Variants in CLCA2 observed in about 807,000 individuals in gnomAD.
The protein encoded by CLCA2 is calcium-activated chloride channel regulator 2.
Under a neutral mutation model 82.9 loss-of-function variants are expected in CLCA2, and 85 were observed. That is an observed-to-expected ratio of 1.03 (90% CI 0.86 to 1.23). The LOEUF (loss-of-function observed/expected upper bound fraction) is 1.23. CLCA2 is among the 50% of genes most tolerant of loss of function. The pLI is 0.00. For missense variants in CLCA2, 1,089 were observed against 1,124.8 expected, an observed-to-expected ratio of 0.97 and a Z score of 0.45; for synonymous variants, 421 against 391.7, an observed-to-expected ratio of 1.07 and a Z score of -0.88.
At chr1:86,455,057 T>G (rs1254460295) in intron 13 of CLCA2, 28 bp from the exon 14 acceptor site, 1 of 1,344,552 alleles carries the variant, frequency 7.4e-7, no homozygotes, top group Admixed American at 2.7e-5. Flanking sequence ...AGTGACTTAA[T>G]TTTCCTATTT....
At position 86,434,623 on chromosome 1, in the gene CLCA2, GACTTTCACC is replaced by G. The variant is rs758712839; in HGVS notation, c.853_861del (p.Phe285_His287del). ...ATGGGATGTAATCACAGACTCTGCT[GACTTTCACC>G]ACAGCTTTCCCATGAATGGGACTGA... On this transcript the variant is annotated inframe_deletion, in exon 6 of 14. Coordinates refer to ENST00000370565, the MANE Select transcript of CLCA2 (RefSeq NM_006536.7). 2 of 1,614,096 alleles carry G rather than the reference GACTTTCACC, an allele frequency of 1.2e-6. No homozygotes were observed. Among genetic ancestry groups the G allele is most frequent in the East Asian group, 4.5e-5 (2 of 44,880 alleles).
Position 86,456,024 on chromosome 1 carries a change from T to C in CLCA2, c.*497T>C, listed in dbSNP as rs1418225204. On this transcript the variant is annotated 3_prime_UTR_variant, in exon 14 of 14. Transcript: ENST00000370565. ...AGCTCTTTACCTCTTGCTATTTTGT[T>C]ATATATATTACAGATGAAATCTCAC... 1 of 152,252 alleles carries C rather than the reference T, an allele frequency of 6.6e-6. No homozygotes were observed. Among genetic ancestry groups the C allele is most frequent in the Non-Finnish European group, 1.5e-5 (1 of 68,050 alleles). 9.4% of individuals were successfully genotyped at this position (152,252 alleles called of 1,614,324 possible). A position where few individuals can be genotyped will look rare whatever the true frequency, so the allele number is the denominator to read the frequency against.
rs752185620 is a variant in CLCA2, at chr1:86,447,609, C to T, written c.1815C>T (p.Ala605=). Reference sequence around the variant, plus strand: ...CCTCCAACTCAGCTGTGCCCCCAGCCACTGTGGAAGCCTTTGTGGAAAGAG... The same window carrying T: ...CCTCCAACTCAGCTGTGCCCCCAGCTACTGTGGAAGCCTTTGTGGAAAGAG... The part of the protein sequence containing the change: ...SRASNSAVPP[A]TVEAFVERDS... The change falls in exon 11 of 14, where the codon GCC becomes GCT. Residue 605 remains alanine, a synonymous_variant. Coordinates refer to ENST00000370565, the MANE Select transcript of CLCA2 (RefSeq NM_006536.7). 16 of 1,613,996 alleles carry T rather than the reference C, an allele frequency of 9.9e-6. No homozygotes were observed. Among genetic ancestry groups the T allele is most frequent in the Non-Finnish European group, 1.4e-5 (16 of 1,180,024 alleles).
Position 86,443,819 on chromosome 1 carries a change from C to T in CLCA2, c.1521C>T (p.His507=). The change falls in exon 10 of 14, where the codon CAC becomes CAT. Residue 507 remains histidine, a synonymous_variant. Transcript: ENST00000370565. ...LESTGENVKP[H]HQLKNTVTVD... Reference sequence around the variant, plus strand: ...GTACAGGTGAAAATGTCAAACCTCACCATCAATTGAAAAACACAGTGACTG... The same window carrying T: ...GTACAGGTGAAAATGTCAAACCTCATCATCAATTGAAAAACACAGTGACTG... The T allele has an allele frequency of 6.2e-7, 1 of 1,613,904 alleles. No homozygotes were observed. The highest frequency in any genetic ancestry group is 8.5e-7 in the Non-Finnish European group (1 of 1,179,894).
At chr1:86,435,651 C>G (rs575542845) in intron 6 of CLCA2, among the ~76,000 whole-genome samples, 4 of 152,124 alleles carry the variant, frequency 2.6e-5, no homozygotes, top group Admixed American at 6.5e-5. Context: ...GCTTTCTCAC[C>G]TGTAAGATAG....
At position 86,425,424 on chromosome 1, in the gene CLCA2, C is replaced by A; in HGVS notation, c.272C>A (p.Ala91Asp). Reference protein sequence around the residue: ...FFRNIKILIPATWKANNNSKI... With the variant: ...FFRNIKILIPDTWKANNNSKI... The stretch of plus-strand genomic sequence containing the variant: ...AGAAATATAAAGATTTTAATACCTG[C>A]CACATGGAAAGCTAATAATAACAGC... The change falls in exon 2 of 14, where the codon GCC becomes GAC. Residue 91 changes from alanine to aspartate, a missense_variant. Transcript: ENST00000370565. 6.4e-7 allele frequency: 1 copy of A among 1,564,672 alleles called. No homozygotes were observed. The highest frequency in any genetic ancestry group is 1.2e-5 in the South Asian group (1 of 81,462).
rs1662521297 is a variant in CLCA2 at position 86,432,477 on chromosome 1, T to C, written c.693T>C (p.Asn231=). The change falls in exon 5 of 14, where the codon AAT becomes AAC. Residue 231 remains asparagine (N), a synonymous_variant. Transcript: ENST00000370565. ...LFKEGCTFIY[N]STQNATASIM... Reference sequence around the variant, plus strand: ...AAGAAGGATGCACCTTTATCTACAATAGCACCCAAAATGCAACTGCATCAA... The same window carrying C: ...AAGAAGGATGCACCTTTATCTACAACAGCACCCAAAATGCAACTGCATCAA... 1 of 1,613,934 alleles carries C rather than the reference T, an allele frequency of 6.2e-7. No individual in the cohort carries two copies. Among genetic ancestry groups the C allele is most frequent in the African/African-American group, 1.3e-5 (1 of 74,898 alleles).
Position 86,428,500 on chromosome 1 carries a change from GA to G in CLCA2, c.411del (p.Lys137AsnfsTer11). 1 of 1,613,726 alleles carries G rather than the reference GA, an allele frequency of 6.2e-7. No homozygotes were observed. The highest frequency in any genetic ancestry group is 8.5e-7 in the Non-Finnish European group (1 of 1,179,762). ...CAATACAGAGGGTGTGGAAAAGAGG[GA>G]AAATACATTCATTTCACACCTAATT... ...TLQYRGCGKE[G>X]KYIHFTPNFL... On this transcript the variant is annotated frameshift_variant, in exon 3 of 14. Transcript: ENST00000370565. LOFTEE classifies it high-confidence loss of function.
chr1:86,444,647 T>C (rs554481458), intron 10 of CLCA2, among the ~76,000 whole-genome samples: 24 of 152,100 alleles, frequency 1.6e-4, no homozygotes, highest in African/African-American at 5.5e-4. Context: ...TAGAGTAGGG[T>C]AATCTATAAG....
chr1:86,439,310 T>A (rs11161831), intron 7 of CLCA2, among the ~76,000 whole-genome samples: 36,479 of 152,212 alleles, frequency 0.24, 4,872 homozygotes, highest in Non-Finnish European at 0.3. Flanking sequence ...GTACATAGCA[T>A]ACAATAGTTG....
intron 10 of CLCA2, among the ~76,000 whole-genome samples, chr1:86,446,735 G>A (rs1231429369): frequency 6.6e-6 from 1 of 152,034 alleles, no homozygotes; most frequent in Non-Finnish European, 1.5e-5. Context: ...GTTACTTCTG[G>A]GGGTTTGATA....
Position 86,455,403 on chromosome 1 carries a change from T to A in CLCA2, c.2708T>A (p.Leu903Ter). 6.2e-7 allele frequency: 1 copy of A among 1,608,056 alleles called. No homozygotes were observed. Among genetic ancestry groups the A allele is most frequent in the Non-Finnish European group, 8.5e-7 (1 of 1,178,074 alleles). The part of the protein sequence containing the change: ...DPVPARDYLI[L>*]KGVLTAMGLI... Reference sequence around the variant, plus strand: ...GTACCTGCCAGAGATTATCTTATATTGAAAGGAGTTTTAACAGCAATGGGT... The same window carrying A: ...GTACCTGCCAGAGATTATCTTATATAGAAAGGAGTTTTAACAGCAATGGGT... Residue 903 changes from leucine to a stop codon, truncating the protein, a stop_gained, in exon 14 of 14, where the codon TTG becomes TAG. Transcript: ENST00000370565. LOFTEE classifies it low-confidence loss of function (END_TRUNC).
chr1:86,438,680 T>G (rs1662661504), intron 6 of CLCA2, among the ~76,000 whole-genome samples, 196 bp from the exon 7 acceptor site: 1 of 152,076 alleles, frequency 6.6e-6, no homozygotes, highest in African/African-American at 2.4e-5. Context: ...CACTCCCTCT[T>G]CCCTGAAAGC....
intron 11 of CLCA2, chr1:86,448,131 T>A (rs980897107): frequency 4.7e-6 from 1 of 213,274 alleles, no homozygotes; most frequent in African/African-American, 2.3e-5. Flanking sequence ...TATTATTCAC[T>A]GAAGTAATCA....
intron 10 of CLCA2, among the ~76,000 whole-genome samples, chr1:86,446,307 C>T (rs1201443101): frequency 6.8e-6 from 1 of 146,298 alleles, no homozygotes; most frequent in Non-Finnish European, 1.5e-5. Flanking sequence ...CATGTTTTGG[C>T]TTCTACCCAA....
intron 9 of CLCA2, among the ~76,000 whole-genome samples, chr1:86,442,870 A>G (rs1662765211): frequency 6.6e-6 from 1 of 152,136 alleles, no homozygotes; most frequent in Admixed American, 6.5e-5. Flanking sequence ...TACTCTTCCC[A>G]TCTCTAAAAT....
intron 11 of CLCA2, among the ~76,000 whole-genome samples, chr1:86,449,579 T>C (rs889420865): frequency 6.6e-6 from 1 of 152,256 alleles, no homozygotes. Flanking sequence ...TGTTTAGCAC[T>C]TTTTATTTCA....
chr1:86,448,710 T>A (rs1428181560), intron 11 of CLCA2, among the ~76,000 whole-genome samples: 1 of 152,260 alleles, frequency 6.6e-6, no homozygotes, highest in Admixed American at 6.5e-5. Context: ...TCATGTATGA[T>A]GTGCAGGAAA....
chr1:86,442,632 T>C (rs1261743818), intron 9 of CLCA2, among the ~76,000 whole-genome samples: 1 of 152,252 alleles, frequency 6.6e-6, no homozygotes, highest in African/African-American at 2.4e-5. Flanking sequence ...ACAATGTCTT[T>C]GCTGTTATCC....
Sources: gnomAD v4.1 joint callset for allele counts (sites outside exome capture counted in the v4.1 genomes callset) on GRCh38, gnomAD v4.1.1 for gene constraint, MANE v1.5 for transcripts, NCBI Gene and HGNC (gene_info 2026-07-23, HGNC 2026-07-21) for gene names.